Variants in LRP1-AS observed in about 807,000 individuals in gnomAD.
LRP1-AS encodes LRP1 antisense RNA.
exon 2 of LRP1-AS, chr12:57,144,893 T>C (rs2035368522): frequency 2.2e-5 from 30 of 1,383,418 alleles, no homozygotes; most frequent in Non-Finnish European, 3.0e-5. Context: ...GATGGACATG[T>C]TGATCATGTC....
chr12:57,145,317 C>T (rs1216786522), intron 1 of LRP1-AS: 3 of 1,614,184 alleles, frequency 1.9e-6, no homozygotes, highest in Non-Finnish European at 1.7e-6. Flanking sequence ...TCTACCATCA[C>T]ACCTACGAGC....
intron 1 of LRP1-AS, chr12:57,146,788 G>T (rs2035417253): frequency 6.6e-6 from 1 of 152,518 alleles, no homozygotes; most frequent in Non-Finnish European, 1.5e-5. Flanking sequence ...GGTTGGCTGA[G>T]CTCTTAACGA....
At chr12:57,144,865 C>G (rs929261855) in exon 2 of LRP1-AS, 1 of 1,161,556 alleles carries the variant, frequency 8.6e-7, no homozygotes, top group African/African-American at 1.5e-5. Context: ...CCGAACTGTC[C>G]TTCAAGGTAG....
intron 1 of LRP1-AS, chr12:57,145,329 C>A: frequency 6.2e-7 from 1 of 1,614,162 alleles, no homozygotes; most frequent in Non-Finnish European, 8.5e-7. Context: ...CCTACGAGCA[C>A]GCGGCAGACC....
At chr12:57,144,945 A>G in exon 2 of LRP1-AS, 1 of 1,609,542 alleles carries the variant, frequency 6.2e-7, no homozygotes, top group South Asian at 1.1e-5. Context: ...ACTGGAAATG[A>G]CCACATTCTT....
At chr12:57,144,724 C>T in exon 2 of LRP1-AS, 9 of 532,384 alleles carry the variant, frequency 1.7e-5, no homozygotes, top group South Asian at 9.7e-5. Flanking sequence ...GCACCTGACC[C>T]ATAGTAGGGA....
chr12:57,145,658 C>T (rs965305987), intron 1 of LRP1-AS, among the ~76,000 whole-genome samples: 9 of 152,128 alleles, frequency 5.9e-5, no homozygotes, highest in Non-Finnish European at 1.3e-4. Context: ...GCAGAGCCAC[C>T]GGCACGCTCC....
At chr12:57,144,803 C>G (rs530254519) in exon 2 of LRP1-AS, 2 of 662,622 alleles carry the variant, frequency 3.0e-6, no homozygotes, top group Non-Finnish European at 5.3e-6. Context: ...GATTCCAAGA[C>G]TGGACTTGCT....
intron 1 of LRP1-AS, among the ~76,000 whole-genome samples, chr12:57,147,049 C>G (rs562756710): frequency 5.9e-5 from 9 of 152,242 alleles, no homozygotes. Flanking sequence ...GACTTCCTCC[C>G]CAGGAGAAGC....
chr12:57,146,892 C>T (rs2035420156), intron 1 of LRP1-AS, among the ~76,000 whole-genome samples: 1 of 152,138 alleles, frequency 6.6e-6, no homozygotes, highest in African/African-American at 2.4e-5. Context: ...GTCCACTGAC[C>T]TACTCAACAG....
chr12:57,145,066 G>A lies in LRP1-AS; in HGVS notation n.199C>T, dbSNP rs147481235. 1.9e-4 allele frequency: 306 copies of A among 1,614,042 alleles called. No individual in the cohort carries two copies. In the African/African-American group the frequency reaches 3.3e-3, roughly 17 times the overall value. ...GTGGCTGTGTTGAAGGATACCTCCT[G>A]CAGCCGGATAACCGCTCCTGCAAGG... On this transcript the variant is annotated non_coding_transcript_exon_variant, in exon 2 of 2. Transcript: ENST00000555461.
intron 1 of LRP1-AS, chr12:57,145,514 G>C: frequency 6.2e-7 from 1 of 1,607,622 alleles, no homozygotes; most frequent in Non-Finnish European, 8.5e-7. Context: ...TCTCAGCTTG[G>C]AGGGCTGGGG....
chr12:57,145,738 T>C (rs970122629), intron 1 of LRP1-AS, among the ~76,000 whole-genome samples: 2 of 152,160 alleles, frequency 1.3e-5, no homozygotes, highest in African/African-American at 4.8e-5. Context: ...GGGCAGTGAA[T>C]GGTCAATCTC....
chr12:57,145,203 G>A, intron 1 of LRP1-AS: 2 of 1,613,878 alleles, frequency 1.2e-6, no homozygotes, highest in Non-Finnish European at 1.7e-6. Context: ...TGGCTGCACG[G>A]ACTCTTCTCT....
intron 1 of LRP1-AS, chr12:57,145,238 C>T (rs1324362768): frequency 3.1e-6 from 5 of 1,614,128 alleles, no homozygotes; most frequent in Non-Finnish European, 4.2e-6. Context: ...GCCAGTAGAC[C>T]GGCCCCCTGT....
At chr12:57,145,585 A>T (rs967282331) in intron 1 of LRP1-AS, 2 of 1,489,044 alleles carry the variant, frequency 1.3e-6, no homozygotes, top group Admixed American at 1.7e-5. Context: ...GTTACACAGG[A>T]TGGTCCTGTC....
At chr12:57,145,419 A>C (rs1201575119) in intron 1 of LRP1-AS, 3 of 1,614,176 alleles carry the variant, frequency 1.9e-6, no homozygotes, top group Non-Finnish European at 2.5e-6. Context: ...ACGCAGCTCA[A>C]GTGTGCCCGC....
intron 1 of LRP1-AS, chr12:57,145,162 G>T (rs1044639634): frequency 6.2e-7 from 1 of 1,613,202 alleles, no homozygotes; most frequent in African/African-American, 1.3e-5. Flanking sequence ...TTCCCTGGTG[G>T]GTGGTGGCCT....
intron 1 of LRP1-AS, chr12:57,145,471 C>T (rs146131043): frequency 5.6e-5 from 90 of 1,613,816 alleles, no homozygotes; most frequent in Middle Eastern, 1.6e-4. Flanking sequence ...ACACCATCAA[C>T]ATCTCCCTCA....
Sources: allele counts gnomAD v4.1 joint callset (sites outside exome capture counted in the v4.1 genomes callset), GRCh38; gene constraint gnomAD v4.1.1; transcripts MANE v1.5; gene names NCBI Gene and HGNC (gene_info 2026-07-23, HGNC 2026-07-21).